The following SLCO1B3 variants were observed in gnomAD, a reference collection of about 807,000 sequenced individuals.
SLCO1B3 encodes the protein solute carrier organic anion transporter family member 1B3.
Under a neutral mutation model 71.8 loss-of-function variants are expected in SLCO1B3, and 72 were observed. The ratio of observed to expected loss-of-function variants is 1.00; its 90% CI spans 0.83 to 1.22. SLCO1B3 has a LOEUF of 1.22. Among genes scored for constraint, SLCO1B3 ranks in the 50% most tolerant of loss-of-function variants. The pLI is 0.00. For synonymous variants in SLCO1B3, 298 were observed against 278.4 expected, an observed-to-expected ratio of 1.07 and a Z score of -0.70; for missense variants, 911 against 819.7, an observed-to-expected ratio of 1.11 and a Z score of -1.36.
intron 15 of SLCO1B3, 39 bp downstream of exon 15, chr12:20,901,506 C>A: frequency 1.8e-6 from 2 of 1,095,956 alleles, no homozygotes; most frequent in Non-Finnish European, 2.7e-6. Context: ...TAGATTTTTT[C>A]TTTGTCTATG....
intron 4 of SLCO1B3, among the ~76,000 whole-genome samples, chr12:20,855,571 CT>C (rs1865117587): frequency 6.6e-6 from 1 of 151,726 alleles, no homozygotes; most frequent in Non-Finnish European, 1.5e-5. Flanking sequence ...GACGATAATT[CT>C]TATGGTTTTA....
At chr12:20,855,796 A>AT (rs35228554) in intron 4 of SLCO1B3, among the ~76,000 whole-genome samples, 1 of 150,998 alleles carries the variant, frequency 6.6e-6, no homozygotes, top group African/African-American at 2.4e-5. Context: ...CAATATAATA[A>AT]TTTTTCAAAG....
intron 3 of SLCO1B3, among the ~76,000 whole-genome samples, chr12:20,844,722 A>G (rs1475084484): frequency 6.6e-6 from 1 of 151,704 alleles, no homozygotes; most frequent in African/African-American, 2.4e-5. Context: ...AATAGTTGAT[A>G]TGATTTCAAT....
intron 3 of SLCO1B3, among the ~76,000 whole-genome samples, chr12:20,825,110 A>G (rs889620321): frequency 6.6e-6 from 1 of 152,198 alleles, no homozygotes; most frequent in African/African-American, 2.4e-5. Context: ...ACCATAAGCT[A>G]TAATTTCCAT....
chr12:20,880,992 A>G lies in SLCO1B3; in HGVS notation c.1469A>G (p.Lys490Arg), dbSNP rs767603938. ...TYLSPCLAGC[K>R]SSSGIKKHTV... ...CTGTCACCTTGTCTAGCAGGATGCA[A>G]ATCCTCAAGTGGTATTAAAAAGCAT... is the stretch of plus-strand genomic sequence containing the variant. The change falls in exon 12 of 16, where the codon AAA becomes AGA. Residue 490 changes from lysine (K) to arginine (R), a missense_variant. Coordinates refer to ENST00000381545, the MANE Select transcript of SLCO1B3 (RefSeq NM_019844.4). 2 of 1,611,386 alleles carry G rather than the reference A, an allele frequency of 1.2e-6. No homozygotes were observed. The highest frequency in any genetic ancestry group is 1.3e-5 in the African/African-American group (1 of 74,918).
chr12:20,834,256 C>A (rs1864621773), intron 3 of SLCO1B3, among the ~76,000 whole-genome samples: 1 of 141,624 alleles, frequency 7.1e-6, no homozygotes, highest in South Asian at 2.3e-4. Flanking sequence ...TATATATAAC[C>A]TGTATACATA....
intron 15 of SLCO1B3, among the ~76,000 whole-genome samples, chr12:20,907,186 T>C (rs1398142248): frequency 6.6e-6 from 1 of 152,170 alleles, no homozygotes; most frequent in Non-Finnish European, 1.5e-5. Context: ...AGGTTAGATC[T>C]CTGGTGAAAA....
chr12:20,896,703 G>C (rs1002993631), intron 13 of SLCO1B3, among the ~76,000 whole-genome samples: 1 of 152,046 alleles, frequency 6.6e-6, no homozygotes, highest in Non-Finnish European at 1.5e-5. Context: ...CCAGTTCCAA[G>C]GTCACTTCCA....
At chr12:20,862,199 A>G (rs556842816) in intron 6 of SLCO1B3, among the ~76,000 whole-genome samples, 11 of 152,180 alleles carry the variant, frequency 7.2e-5, no homozygotes, top group Non-Finnish European at 1.3e-4. Context: ...AACATTTGCA[A>G]TGATCGTCTG....
intron 13 of SLCO1B3, among the ~76,000 whole-genome samples, chr12:20,885,187 T>C (rs1865770046): frequency 6.6e-6 from 1 of 152,130 alleles, no homozygotes; most frequent in Non-Finnish European, 1.5e-5. Context: ...TCACCTGCCT[T>C]TGATTTCCTT....
At chr12:20,842,424 A>G (rs915056180) in intron 3 of SLCO1B3, among the ~76,000 whole-genome samples, 58 of 152,124 alleles carry the variant, frequency 3.8e-4, no homozygotes, top group African/African-American at 1.3e-3. Flanking sequence ...TTTTAGGTTG[A>G]TATATCAATA....
chr12:20,858,414 CA>C (rs909606322), intron 4 of SLCO1B3, 24 bp from the exon 5 acceptor site: 1 of 1,505,828 alleles, frequency 6.6e-7, no homozygotes, highest in African/African-American at 1.4e-5. Flanking sequence ...TAAGTCATAT[CA>C]ACATAATTTT....
At chr12:20,890,819 A>T (rs1039344383) in intron 13 of SLCO1B3, among the ~76,000 whole-genome samples, 1 of 152,190 alleles carries the variant, frequency 6.6e-6, no homozygotes, top group Non-Finnish European at 1.5e-5. Flanking sequence ...ATCTAATGCC[A>T]GTATAACTAC....
intron 3 of SLCO1B3, among the ~76,000 whole-genome samples, chr12:20,842,679 CT>C (rs995858300): frequency 6.6e-6 from 1 of 152,176 alleles, no homozygotes; most frequent in African/African-American, 2.4e-5. Flanking sequence ...TATAGTCAGA[CT>C]TGTTTCTACT....
At chr12:20,827,115 T>G (rs2121113786) in intron 3 of SLCO1B3, among the ~76,000 whole-genome samples, 1 of 151,092 alleles carries the variant, frequency 6.6e-6, no homozygotes, top group Non-Finnish European at 1.5e-5. Context: ...TTTCAATGCA[T>G]TATTTTTACA....
intron 4 of SLCO1B3, 149 bp from the exon 5 acceptor site, chr12:20,858,290 G>C (rs1865181953): frequency 1.7e-6 from 1 of 591,350 alleles, no homozygotes; most frequent in Admixed American, 3.2e-5. Flanking sequence ...GTGGTTTAAT[G>C]TAGGAGAGTT....
In SLCO1B3 at chr12:20,901,465, T is replaced by G. The variant is rs748950766; in HGVS notation, c.1863T>G (p.Phe621Leu). ...GACRIYNSVF[F>L]GRVYLGLSIA... is the part of the protein sequence containing the mutation. ...GTAGGATATATAATTCCGTATTTTTTGGGTAAGTTGTCGTAAACACATTTC... is the reference window on the plus strand; with the variant it reads ...GTAGGATATATAATTCCGTATTTTTGGGGTAAGTTGTCGTAAACACATTTC... The change falls in exon 15 of 16, where the codon TTT becomes TTG. Residue 621 changes from phenylalanine (F) to leucine (L), a missense_variant and splice_region_variant. By Grantham distance (22) the Phe-to-Leu change is conservative (BLOSUM62 0). Transcript: ENST00000381545. The G allele has an allele frequency of 6.7e-6, 10 of 1,502,524 alleles. No individual in the cohort carries two copies. In the Admixed American group the frequency reaches 1.2e-4, roughly 18 times the overall value. The allele number at this position is 1,502,524 out of a possible 1,614,324, so 93.1% of individuals were successfully genotyped here. A position where few individuals can be genotyped will look rare whatever the true frequency, so the allele number is the denominator to read the frequency against.
At chr12:20,903,555 G>A (rs887204328) in intron 15 of SLCO1B3, among the ~76,000 whole-genome samples, 1 of 152,116 alleles carries the variant, frequency 6.6e-6, no homozygotes, top group Non-Finnish European at 1.5e-5. Context: ...AGGAAGCAAG[G>A]CATGTCTTCT....
In SLCO1B3 at chr12:20,916,480, A is replaced by G; in HGVS notation, c.*233A>G. On this transcript the variant is annotated 3_prime_UTR_variant, in exon 16 of 16. Transcript: ENST00000381545. ...GCATGGTTAGTGTGTGATACAATAAAAAGTAATTGTTTGGTAGTTGTAACT... is the reference window on the plus strand; with the variant it reads ...GCATGGTTAGTGTGTGATACAATAAGAAGTAATTGTTTGGTAGTTGTAACT... 1 of 327,114 alleles carries G rather than the reference A, an allele frequency of 3.1e-6. No individual in the cohort carries two copies. The highest frequency in any genetic ancestry group is 6.9e-5 in the South Asian group (1 of 14,528). 20.3% of individuals were successfully genotyped at this position (327,114 alleles called of 1,614,324 possible).
Sources: gnomAD v4.1 joint callset for allele counts (sites outside exome capture counted in the v4.1 genomes callset) on GRCh38, gnomAD v4.1.1 for gene constraint, MANE v1.5 for transcripts, NCBI Gene and HGNC (gene_info 2026-07-23, HGNC 2026-07-21) for gene names.